The following MINK1 variants were observed in gnomAD, a reference collection of about 807,000 sequenced individuals.
MINK1 encodes the protein misshapen-like kinase 1.
Under a neutral mutation model 178.4 loss-of-function variants are expected in MINK1, and 46 were observed. The observed-to-expected ratio is 0.26, with a 90% CI of 0.20 to 0.33. The LOEUF is 0.33. Ranked by LOEUF, MINK1 falls within the 10% of genes least tolerant of loss-of-function variation. The pLI is 1.00. For missense variants in MINK1, 1,366 were observed against 1,814.9 expected (o/e 0.75, Z 4.49); for synonymous variants, 797 against 709.7 (o/e 1.12, Z -1.96).
At chr17:4,862,912 G>A (rs558516858) in intron 1 of MINK1, among the ~76,000 whole-genome samples, 2 of 151,926 alleles carry the variant, frequency 1.3e-5, no homozygotes, top group African/African-American at 2.4e-5. Flanking sequence ...GTGCATGCCC[G>A]TGGTTCCAGC....
intron 1 of MINK1, chr17:4,860,847 G>C (rs1265101004): frequency 2.0e-6 from 1 of 512,394 alleles, no homozygotes; most frequent in Non-Finnish European, 3.9e-6. Flanking sequence ...GGGAGATGCC[G>C]AAGCCTTAGG....
At chr17:4,849,195 T>C (rs1911530338) in intron 1 of MINK1, among the ~76,000 whole-genome samples, 2 of 151,756 alleles carry the variant, frequency 1.3e-5, no homozygotes, top group African/African-American at 4.8e-5. Flanking sequence ...AACTTCAAAA[T>C]CTTCTATCTG....
At chr17:4,891,931 A>C (rs1968862835) in intron 16 of MINK1, among the ~76,000 whole-genome samples, 1 of 152,118 alleles carries the variant, frequency 6.6e-6, no homozygotes. Context: ...AGAAACGCCC[A>C]GGGTGTTTTG....
chr17:4,883,982 C>T (rs946363047), intron 4 of MINK1, among the ~76,000 whole-genome samples: 1 of 151,962 alleles, frequency 6.6e-6, no homozygotes, highest in Non-Finnish European at 1.5e-5. Context: ...CTACTCTAAA[C>T]CCAGCCCCAC....
intron 1 of MINK1, among the ~76,000 whole-genome samples, chr17:4,870,258 G>A (rs1200327647): frequency 6.8e-6 from 1 of 147,392 alleles, no homozygotes; most frequent in African/African-American, 2.5e-5. Flanking sequence ...TTTTTGTGGA[G>A]GAGTGGTTTC....
At position 4,887,229 on chromosome 17, in the gene MINK1, G is replaced by A; in HGVS notation, c.1019+50G>A. 2.0e-6 allele frequency: 3 copies of A among 1,529,680 alleles called. No homozygotes were observed. Among genetic ancestry groups the A allele is most frequent in the Non-Finnish European group, 2.7e-6 (3 of 1,124,336 alleles). 94.8% of individuals were successfully genotyped at this position (1,529,680 alleles called of 1,614,324 possible). A position where few individuals can be genotyped will look rare whatever the true frequency, so the allele number is the denominator to read the frequency against. ...GTTGGGGCGGTCATCGCTGAGTGGGGGGACTACAGTGGTGCTTGGCTTTGG... is the reference window on the plus strand; with the variant it reads ...GTTGGGGCGGTCATCGCTGAGTGGGAGGACTACAGTGGTGCTTGGCTTTGG... On this transcript the variant is annotated intron_variant, in intron 11 of 31. Coordinates refer to ENST00000355280, the MANE Select transcript of MINK1 (RefSeq NM_153827.5). The surrounding 1 kb of genome is among the most constrained non-coding windows in gnomAD (Gnocchi z 7.6).
At chr17:4,861,900 C>A (rs978658424) in intron 1 of MINK1, among the ~76,000 whole-genome samples, 1 of 152,238 alleles carries the variant, frequency 6.6e-6, no homozygotes, top group Non-Finnish European at 1.5e-5. Context: ...CAGCCGCAGA[C>A]TGTTACCCCA....
chr17:4,886,738 C>A lies in MINK1; in HGVS notation c.949+112C>A. The A allele has an allele frequency of 8.3e-7, 1 of 1,201,626 alleles. No homozygotes were observed. The highest frequency in any genetic ancestry group is 1.1e-6 in the Non-Finnish European group (1 of 885,870). 74.4% of individuals were successfully genotyped at this position (1,201,626 alleles called of 1,614,324 possible). On this transcript the variant is annotated intron_variant, in intron 10 of 31. Coordinates refer to ENST00000355280, the MANE Select transcript of MINK1 (RefSeq NM_153827.5). This position sits in a 1 kb window ranked among gnomAD's most constrained non-coding sequence, Gnocchi z 6.1. ...TTCCTGCTCCCCTCCTTGGCCCCAGCTCTCCCTGTCCAAGGAGATCGTTCT... is the reference window on the plus strand; with the variant it reads ...TTCCTGCTCCCCTCCTTGGCCCCAGATCTCCCTGTCCAAGGAGATCGTTCT...
At position 4,833,950 on chromosome 17, in the gene MINK1, C is replaced by T. The variant is rs1455484997; in HGVS notation, c.57+310C>T. On this transcript the variant is annotated intron_variant, in intron 1 of 31. Transcript: ENST00000355280. This position sits in a 1 kb window ranked among gnomAD's most constrained non-coding sequence, Gnocchi z 4.8. ...CCACTGGTTCGCCTAAACTTAGCCT[C>T]CCCCATCACCTGGAGAACCTTTATT... is the stretch of plus-strand genomic sequence containing the variant. 6.6e-6 allele frequency among the ~76,000 whole-genome samples: 1 copy of T among 152,192 alleles called. No individual in the cohort carries two copies. Among genetic ancestry groups the T allele is most frequent in the Non-Finnish European group, 1.5e-5 (1 of 68,030 alleles).
At chr17:4,861,630 A>G (rs1056871358) in intron 1 of MINK1, 5 of 267,372 alleles carry the variant, frequency 1.9e-5, no homozygotes, top group African/African-American at 9.2e-5. Flanking sequence ...CCTCCCTAGT[A>G]GCTGAGATTA....
intron 1 of MINK1, among the ~76,000 whole-genome samples, chr17:4,875,352 A>G (rs1967088272): frequency 6.6e-6 from 1 of 152,144 alleles, no homozygotes; most frequent in Non-Finnish European, 1.5e-5. Flanking sequence ...GGTCATGCCT[A>G]TAATATTAAT....
chr17:4,842,121 G>A (rs900879092), intron 1 of MINK1, among the ~76,000 whole-genome samples: 2 of 152,042 alleles, frequency 1.3e-5, no homozygotes, highest in African/African-American at 4.8e-5. Flanking sequence ...CTACTTGGGA[G>A]GCTGAGGCAG....
At position 4,891,733 on chromosome 17, in the gene MINK1, AG is replaced by A; in HGVS notation, c.2001+19del. 1 of 1,589,620 alleles carries A rather than the reference AG, an allele frequency of 6.3e-7. No individual in the cohort carries two copies. The highest frequency in any genetic ancestry group is 8.6e-7 in the Non-Finnish European group (1 of 1,167,642). Reference sequence around the variant, plus strand: ...CCACCCAAGGTAAGGACAGTTCTGCAGGCCCAGGGAAAAGCAGAGAGCTAGT... The same window carrying A: ...CCACCCAAGGTAAGGACAGTTCTGCAGCCCAGGGAAAAGCAGAGAGCTAGT... On this transcript the variant is annotated intron_variant, in intron 16 of 31. Transcript: ENST00000355280.
intron 1 of MINK1, among the ~76,000 whole-genome samples, chr17:4,849,270 C>T (rs1490049979): frequency 6.6e-6 from 1 of 152,192 alleles, no homozygotes; most frequent in African/African-American, 2.4e-5. Context: ...CACTCTGGCC[C>T]TGCGTGCTGT....
rs548010911 is a variant in MINK1, at chr17:4,895,638, G to T, written c.3230-60G>T. Reference sequence around the variant, plus strand: ...GTATGCTGACAGAGGAGGCCAGGGCGGTGGCATTCGGGCCTCAGATGAGAA... The same window carrying T: ...GTATGCTGACAGAGGAGGCCAGGGCTGTGGCATTCGGGCCTCAGATGAGAA... On this transcript the variant is annotated intron_variant, in intron 26 of 31. Coordinates refer to ENST00000355280, the MANE Select transcript of MINK1 (RefSeq NM_153827.5). The surrounding 1 kb of genome is among the most constrained non-coding windows in gnomAD (Gnocchi z 4.3). The T allele has an allele frequency of 1.2e-5, 19 of 1,591,956 alleles. No homozygotes were observed. Among genetic ancestry groups the T allele is most frequent in the Middle Eastern group, 1.7e-4 (1 of 5,958 alleles).
At position 4,891,466 on chromosome 17, in the gene MINK1, C is replaced by T; in HGVS notation, c.1751C>T (p.Ala584Val). Residue 584 changes from alanine to valine, a missense_variant, in exon 16 of 32, where the codon GCA becomes GTA. By Grantham distance (64) the Ala-to-Val change is moderately conservative. Transcript: ENST00000355280. ...PQEGPHKSLV[A>V]HRVPLKPYAA... ...GGTCTCTCCCTGCAGAGCCTGGTGG[C>T]ACACCGGGTCCCACTGAAGCCATAT... 6.3e-7 allele frequency: 1 copy of T among 1,576,278 alleles called. No individual in the cohort carries two copies. The highest frequency in any genetic ancestry group is 8.7e-7 in the Non-Finnish European group (1 of 1,155,858).
chr17:4,872,055 G>C (rs1348720368), intron 1 of MINK1, among the ~76,000 whole-genome samples: 1 of 152,140 alleles, frequency 6.6e-6, no homozygotes, highest in Non-Finnish European at 1.5e-5. Flanking sequence ...GACAGGCTGG[G>C]TACAGTGGCT....
intron 1 of MINK1, among the ~76,000 whole-genome samples, chr17:4,877,957 C>T (rs1967338522): frequency 1.3e-5 from 2 of 151,878 alleles, no homozygotes; most frequent in African/African-American, 2.4e-5. Flanking sequence ...ACTACAGGCG[C>T]CCGCAACCAC....
chr17:4,833,387 T>G lies in MINK1; in HGVS notation c.-197T>G. 1 of 495,558 alleles carries G rather than the reference T, an allele frequency of 2.0e-6. No individual in the cohort carries two copies. The highest frequency in any genetic ancestry group is 3.5e-6 in the Non-Finnish European group (1 of 281,874). 30.7% of individuals were successfully genotyped at this position (495,558 alleles called of 1,614,324 possible). A position where few individuals can be genotyped will look rare whatever the true frequency, so the allele number is the denominator to read the frequency against. On this transcript the variant is annotated 5_prime_UTR_variant, in exon 1 of 32. Coordinates refer to ENST00000355280, the MANE Select transcript of MINK1 (RefSeq NM_153827.5). The surrounding 1 kb of genome is among the most constrained non-coding windows in gnomAD (Gnocchi z 4.8). ...GCGCAGGAGAGGTGGTAGGCTCGGGTGGCTGGCTCCGGGGAGATAGCGCCT... is the reference window on the plus strand; with the variant it reads ...GCGCAGGAGAGGTGGTAGGCTCGGGGGGCTGGCTCCGGGGAGATAGCGCCT...
Sources: gnomAD v4.1 joint callset for allele counts (sites outside exome capture counted in the v4.1 genomes callset) on GRCh38, gnomAD v4.1.1 for gene constraint, Gnocchi (gnomAD v3.1) non-coding constraint, MANE v1.5 for transcripts, NCBI Gene and HGNC (gene_info 2026-07-23, HGNC 2026-07-21) for gene names.